The following LAMA2 variants were observed in gnomAD, a reference collection of about 807,000 sequenced individuals.
The protein encoded by LAMA2 is laminin subunit alpha 2.
LAMA2 carries 269 observed loss-of-function variants against 364.8 expected under a neutral mutation model. The ratio of observed to expected loss-of-function variants is 0.74; its 90% CI spans 0.67 to 0.82. LAMA2 has a LOEUF of 0.82. Among genes scored for constraint, LAMA2 ranks in the 40% least tolerant of loss-of-function variants. The pLI is 0.00. For synonymous variants in LAMA2, 1,379 were observed against 1,370.6 expected (o/e 1.01, Z -0.14); for missense variants, 3,807 against 3,873.2 (o/e 0.98, Z 0.45).
At chr6:129,259,056 T>G (rs1271875102) in intron 14 of LAMA2, among the ~76,000 whole-genome samples, 2 of 152,094 alleles carry the variant, frequency 1.3e-5, no homozygotes, top group African/African-American at 2.4e-5. Flanking sequence ...ACTGCCTATA[T>G]CTGGTGATTT....
At chr6:129,097,167 A>T (rs1775237142) in intron 3 of LAMA2, among the ~76,000 whole-genome samples, 1 of 152,196 alleles carries the variant, frequency 6.6e-6, no homozygotes, top group Non-Finnish European at 1.5e-5. Context: ...TCAAGAACAT[A>T]TCATACTGTT....
At position 129,458,824 on chromosome 6, in the gene LAMA2, A is replaced by C. The variant is rs117998993; in HGVS notation, c.6868-1376A>C. On this transcript the variant is annotated intron_variant, in intron 48 of 64. Transcript: ENST00000421865. Reference sequence around the variant, plus strand: ...GATTTGTGCAAGTACTGTACAGTCTATGCTTTTAACTATTCAGTAACTGAT... The same window carrying C: ...GATTTGTGCAAGTACTGTACAGTCTCTGCTTTTAACTATTCAGTAACTGAT... Among the ~76,000 whole-genome samples the C allele has an allele frequency of 6.6e-4, 101 of 152,094 alleles. No individual in the cohort carries two copies. The East Asian group carries it at 0.016, about 25-fold the overall frequency.
chr6:129,038,732 G>C (rs1786857005), intron 1 of LAMA2, among the ~76,000 whole-genome samples: 1 of 152,156 alleles, frequency 6.6e-6, no homozygotes, highest in Non-Finnish European at 1.5e-5. Context: ...ATAGGGTAGG[G>C]AGAAGAAAGG....
At chr6:129,299,732 C>T (rs987962581) in intron 21 of LAMA2, among the ~76,000 whole-genome samples, 6 of 152,086 alleles carry the variant, frequency 3.9e-5, no homozygotes, top group Admixed American at 1.3e-4. Context: ...AGTGTTTACT[C>T]GGTGTAAAGT....
chr6:129,267,978 G>T (rs1457379331), intron 16 of LAMA2, among the ~76,000 whole-genome samples: 1 of 152,008 alleles, frequency 6.6e-6, no homozygotes, highest in Non-Finnish European at 1.5e-5. Context: ...ATTTAAAATG[G>T]TGCCAATTAA....
intron 42 of LAMA2, among the ~76,000 whole-genome samples, chr6:129,439,846 A>C (rs62421013): frequency 0.12 from 16,980 of 138,190 alleles, 1,457 homozygotes; most frequent in Middle Eastern, 0.2. Flanking sequence ...ATATATATAT[A>C]TATCTATCTC....
chr6:129,388,676 C>T (rs568790098), intron 35 of LAMA2, among the ~76,000 whole-genome samples: 10 of 152,218 alleles, frequency 6.6e-5, no homozygotes, highest in South Asian at 4.1e-4. Flanking sequence ...GATTTATACA[C>T]GCACACACAC....
rs1554310169 is a variant in LAMA2, at chr6:129,492,314, G to A, written c.8076-1G>A. 1.2e-6 allele frequency: 2 copies of A among 1,613,644 alleles called. No homozygotes were observed. Among genetic ancestry groups the A allele is most frequent in the Non-Finnish European group, 1.7e-6 (2 of 1,179,582 alleles). ...AAATCTTATTTATTACATTCTATTA[G>A]CCCCATGGACTTTGCAAGGCCTGTG... On this transcript the variant is annotated splice_acceptor_variant, in intron 57 of 64. Coordinates refer to ENST00000421865, the MANE Select transcript of LAMA2 (RefSeq NM_000426.4). LOFTEE classifies it high-confidence loss of function.
Position 128,962,199 on chromosome 6 carries a change from CACACAT to C in LAMA2, c.112+78850_112+78855del, listed in dbSNP as rs1263841827. On this transcript the variant is annotated intron_variant, in intron 1 of 64. Coordinates refer to ENST00000421865, the MANE Select transcript of LAMA2 (RefSeq NM_000426.4). ...ATATATATATATACACACATACACA[CACACAT>C]ACACATATTTATGACTTAACTCTTA... Among the ~76,000 whole-genome samples the C allele has an allele frequency of 2.2e-3, 303 of 136,052 alleles. 2 individuals are homozygous for C. Among genetic ancestry groups the C allele is most frequent in the African/African-American group, 7.9e-3 (288 of 36,632 alleles). The allele number at this position is 136,052 out of a possible 152,430, so 89.3% of individuals were successfully genotyped here.
At chr6:129,402,966 C>T (rs560807246) in intron 39 of LAMA2, among the ~76,000 whole-genome samples, 2 of 152,206 alleles carry the variant, frequency 1.3e-5, no homozygotes, top group Admixed American at 1.3e-4. Context: ...GGAGACATTA[C>T]ATTTTCTCCT....
chr6:129,389,519 T>G (rs1022921682), intron 35 of LAMA2, among the ~76,000 whole-genome samples: 7 of 152,172 alleles, frequency 4.6e-5, no homozygotes, highest in South Asian at 2.1e-4. Context: ...TTCTTGCCCT[T>G]ATGACCTAAT....
At chr6:128,920,344 G>A (rs1778617437) in intron 1 of LAMA2, among the ~76,000 whole-genome samples, 2 of 151,900 alleles carry the variant, frequency 1.3e-5, no homozygotes, top group South Asian at 2.1e-4. Flanking sequence ...TTTTAGTAGA[G>A]ACAGGATTTC....
At chr6:129,438,533 A>C (rs1781944336) in intron 41 of LAMA2, 113 bp from the exon 42 acceptor site, 1 of 617,206 alleles carries the variant, frequency 1.6e-6, no homozygotes, top group Non-Finnish European at 2.9e-6. Context: ...AATTAAATAC[A>C]TTTTCTTGCT....
At chr6:128,923,654 A>C (rs551459202) in intron 1 of LAMA2, among the ~76,000 whole-genome samples, 1 of 152,196 alleles carries the variant, frequency 6.6e-6, no homozygotes, top group African/African-American at 2.4e-5. Flanking sequence ...ACTGTTCTCA[A>C]TATCACTGCT....
chr6:129,152,478 T>G (rs528839870), intron 7 of LAMA2, among the ~76,000 whole-genome samples: 1 of 152,346 alleles, frequency 6.6e-6, no homozygotes, highest in African/African-American at 2.4e-5. Flanking sequence ...CCTATAGATA[T>G]ATTCATATAG....
chr6:129,460,358 C>A (rs778290500), intron 49 of LAMA2, 34 bp downstream of exon 49: 3 of 1,604,954 alleles, frequency 1.9e-6, no homozygotes, highest in East Asian at 2.2e-5. Flanking sequence ...CAGGGTCTGT[C>A]CTGTGCATAA....
intron 12 of LAMA2, among the ~76,000 whole-genome samples, chr6:129,248,731 A>C (rs1785950242): frequency 6.6e-6 from 1 of 152,112 alleles, no homozygotes; most frequent in African/African-American, 2.4e-5. Context: ...ACAACATAAA[A>C]CTTTTTTTTC....
At chr6:129,011,601 T>C (rs576984989) in intron 1 of LAMA2, among the ~76,000 whole-genome samples, 1 of 152,282 alleles carries the variant, frequency 6.6e-6, no homozygotes, top group Admixed American at 6.5e-5. Flanking sequence ...TTTCAAGCAT[T>C]GGAGGTGGCA....
At chr6:129,264,806 G>A (rs1787391752) in intron 15 of LAMA2, among the ~76,000 whole-genome samples, 1 of 152,152 alleles carries the variant, frequency 6.6e-6, no homozygotes, top group South Asian at 2.1e-4. Flanking sequence ...ATCGAATTTG[G>A]CTGCATGGAA....
Sources: allele counts gnomAD v4.1 joint callset (sites outside exome capture counted in the v4.1 genomes callset), GRCh38; gene constraint gnomAD v4.1.1; transcripts MANE v1.5; gene names NCBI Gene and HGNC (gene_info 2026-07-23, HGNC 2026-07-21).